Variants in CCDC141 observed in about 807,000 individuals in gnomAD.
CCDC141 encodes the protein coiled-coil domain-containing protein 141.
A neutral mutation model predicts 181.0 loss-of-function variants in CCDC141; 168 were observed. The observed-to-expected ratio is 0.93, with a 90% CI of 0.82 to 1.05. CCDC141 has a LOEUF of 1.05. Ranked by LOEUF, CCDC141 falls within the 50% of genes least tolerant of loss-of-function variation. The pLI, the probability that CCDC141 is intolerant of heterozygous loss-of-function variation, is 0.00. For synonymous variants in CCDC141, 666 were observed against 642.3 expected, an observed-to-expected ratio of 1.04 and a Z score of -0.56; for missense variants, 1,902 against 1,788.5, an observed-to-expected ratio of 1.06 and a Z score of -1.14.
chr2:179,011,169 G>A (rs1236173028), intron 2 of CCDC141, among the ~76,000 whole-genome samples: 1 of 151,464 alleles, frequency 6.6e-6, no homozygotes, highest in Admixed American at 6.6e-5. Context: ...AAAAAAAAAA[G>A]AGATACAGAC....
At chr2:178,824,842 C>T (rs1213273966), downstream of CCDC141, among the ~76,000 whole-genome samples, 1 of 151,918 alleles carries the variant, frequency 6.6e-6, no homozygotes, top group Non-Finnish European at 1.5e-5. Flanking sequence ...CTTTGTATAT[C>T]CATTTATAAG....
chr2:179,022,515 G>A (rs2042718535), intron 2 of CCDC141, among the ~76,000 whole-genome samples: 1 of 152,076 alleles, frequency 6.6e-6, no homozygotes, highest in Admixed American at 6.6e-5. Context: ...TCCGTCTCAC[G>A]CCACTTATTC....
At position 178,871,418 on chromosome 2, in the gene CCDC141, T is replaced by G. The variant is rs575107755; in HGVS notation, c.2205+9A>C. On this transcript the variant is annotated intron_variant, in intron 14 of 23. Transcript: ENST00000443758. The stretch of plus-strand genomic sequence containing the variant: ...CCATTCACCCAAATCCAGCAATATA[T>G]TTCTTCACCTGGAACTGAGGCTTCA... 84 of 1,610,208 alleles carry G rather than the reference T, an allele frequency of 5.2e-5. No individual in the cohort carries two copies. In the East Asian group the frequency reaches 1.8e-3, roughly 35 times the overall value.
intron 3 of CCDC141, among the ~76,000 whole-genome samples, chr2:178,976,765 CT>C (rs1275979506): frequency 6.6e-6 from 1 of 152,096 alleles, no homozygotes; most frequent in Non-Finnish European, 1.5e-5. Flanking sequence ...TTTCTAATAA[CT>C]GATTTTTAAA....
Position 179,047,393 on chromosome 2 carries a change from A to G in CCDC141, c.116T>C (p.Val39Ala). 6.6e-7 allele frequency: 1 copy of G among 1,520,578 alleles called. No homozygotes were observed. Among genetic ancestry groups the G allele is most frequent in the Non-Finnish European group, 8.8e-7 (1 of 1,136,914 alleles). 94.2% of individuals were successfully genotyped at this position (1,520,578 alleles called of 1,614,324 possible). Residue 39 changes from valine (V) to alanine (A), a missense_variant, in exon 2 of 24, where the codon GTA (valine) becomes GCA (alanine). Transcript: ENST00000443758. ...VIAVIKCGKW[V>A]QLQLAESQPN... ...CTGTGATTCAGCCAGTTGAAGTTGT[A>G]CCCATTTGCCACACTAAAAATAAAA...
At chr2:179,045,137 A>C (rs200838297) in intron 2 of CCDC141, among the ~76,000 whole-genome samples, 1 of 147,696 alleles carries the variant, frequency 6.8e-6, no homozygotes, top group African/African-American at 2.5e-5. Flanking sequence ...CATTAGGTAT[A>C]TCTCCCAATG....
chr2:178,987,343 T>C (rs938202193), intron 2 of CCDC141, among the ~76,000 whole-genome samples: 7 of 151,990 alleles, frequency 4.6e-5, no homozygotes, highest in African/African-American at 1.7e-4. Flanking sequence ...ACTTAAACAT[T>C]AGACCTAAAA....
chr2:179,045,010 ATTTC>A (rs2043443013), intron 2 of CCDC141, among the ~76,000 whole-genome samples: 3 of 142,884 alleles, frequency 2.1e-5, no homozygotes, highest in Non-Finnish European at 4.6e-5. Context: ...TTCATATTTC[ATTTC>A]TTTTTTATTA....
At chr2:178,978,333 C>CA in intron 3 of CCDC141, 151 bp downstream of exon 3, 1 of 450,278 alleles carries the variant, frequency 2.2e-6, no homozygotes, top group East Asian at 3.6e-5. Flanking sequence ...TTTTGACAAT[C>CA]AAAAATTAAA....
At chr2:178,867,974 C>T (rs897768676) in intron 16 of CCDC141, 52 bp downstream of exon 16, 6 of 1,455,404 alleles carry the variant, frequency 4.1e-6, no homozygotes. Flanking sequence ...CATATGCTAG[C>T]CCAAGCCCCA....
chr2:178,930,676 G>A (rs1230919070), intron 6 of CCDC141, among the ~76,000 whole-genome samples: 1 of 152,110 alleles, frequency 6.6e-6, no homozygotes, highest in African/African-American at 2.4e-5. Flanking sequence ...TTAATTTTCA[G>A]TGAGTGTGCC....
chr2:179,041,999 CATT>C (rs1294954717), intron 2 of CCDC141, among the ~76,000 whole-genome samples: 1 of 152,126 alleles, frequency 6.6e-6, no homozygotes, highest in African/African-American at 2.4e-5. Flanking sequence ...AATATTAGAT[CATT>C]GACAGAAAAT....
chr2:178,903,923 C>G (rs1687835253), intron 8 of CCDC141, among the ~76,000 whole-genome samples: 1 of 152,106 alleles, frequency 6.6e-6, no homozygotes, highest in South Asian at 2.1e-4. Context: ...CTGGAAACCT[C>G]ACCGCTTAAT....
intron 2 of CCDC141, among the ~76,000 whole-genome samples, chr2:179,044,339 G>A (rs1035404506): frequency 3.3e-5 from 5 of 152,128 alleles, no homozygotes; most frequent in Admixed American, 2.0e-4. Flanking sequence ...AGAAGAGCCC[G>A]AATAGCCAAG....
At chr2:178,996,769 A>G (rs1336962505) in intron 2 of CCDC141, among the ~76,000 whole-genome samples, 2 of 152,222 alleles carry the variant, frequency 1.3e-5, no homozygotes, top group Non-Finnish European at 2.9e-5. Flanking sequence ...AGGCCAGAAC[A>G]TTCTTGCAGA....
intron 4 of CCDC141, among the ~76,000 whole-genome samples, chr2:178,969,416 C>G (rs1044278305): frequency 6.6e-6 from 1 of 152,128 alleles, no homozygotes; most frequent in Non-Finnish European, 1.5e-5. Flanking sequence ...CATCAAAAAG[C>G]TTATCCACCA....
intron 4 of CCDC141, among the ~76,000 whole-genome samples, chr2:178,963,905 T>C (rs1294973060): frequency 3.3e-5 from 4 of 120,524 alleles, no homozygotes; most frequent in African/African-American, 1.2e-4. Flanking sequence ...TTCAACCAGG[T>C]GAGAAGAATG....
Position 179,050,081 on chromosome 2 carries a change from G to T in CCDC141, c.-140C>A, listed in dbSNP as rs2043629919. ...CACTGATTACTCTGCCAAAAGGAAA[G>T]AACAGGAGGTTAAAAATAGACAACC... On this transcript the variant is annotated 5_prime_UTR_variant, in exon 1 of 24. Coordinates refer to ENST00000443758, the MANE Select transcript of CCDC141 (RefSeq NM_173648.4). 1 of 1,326,270 alleles carries T rather than the reference G, an allele frequency of 7.5e-7. No homozygotes were observed. The highest frequency in any genetic ancestry group is 1.0e-6 in the Non-Finnish European group (1 of 995,220). 82.2% of individuals were successfully genotyped at this position (1,326,270 alleles called of 1,614,324 possible). A position where few individuals can be genotyped will look rare whatever the true frequency, so the allele number is the denominator to read the frequency against.
chr2:179,015,379 A>ATCTCATATATGTATCATATC (rs2042455475), intron 2 of CCDC141, among the ~76,000 whole-genome samples: 2 of 128,014 alleles, frequency 1.6e-5, no homozygotes, highest in African/African-American at 3.3e-5. Context: ...TATCATATAT[A>ATCTCATATATGTATCATATC]TCTCATATAT....
Sources: gnomAD v4.1 joint callset for allele counts (sites outside exome capture counted in the v4.1 genomes callset) on GRCh38, gnomAD v4.1.1 for gene constraint, MANE v1.5 for transcripts, NCBI Gene and HGNC (gene_info 2026-07-23, HGNC 2026-07-21) for gene names.